PARP10: variants seen among roughly 807,000 people sequenced by gnomAD.
PARP10 encodes poly(ADP-ribose) polymerase family member 10, also known as protein mono-ADP-ribosyltransferase PARP10.
Under a neutral mutation model 82.4 loss-of-function variants are expected in PARP10, and 56 were observed. The ratio of observed to expected loss-of-function variants is 0.68; its 90% CI spans 0.55 to 0.85. The LOEUF (loss-of-function observed/expected upper bound fraction) is 0.85. Among genes scored for constraint, PARP10 ranks in the 40% least tolerant of loss-of-function variants. The pLI is 0.00. For synonymous variants in PARP10, 576 were observed against 601.1 expected, an observed-to-expected ratio of 0.96 and a Z score of 0.61; for missense variants, 1,227 against 1,379.4, an observed-to-expected ratio of 0.89 and a Z score of 1.75.
At chr8:143,981,340 GTGAAGGTGATGGTGATGA>G in intron 9 of PARP10, among the ~76,000 whole-genome samples, 1 of 116,714 alleles carries the variant, frequency 8.6e-6, no homozygotes, top group Admixed American at 8.6e-5. Flanking sequence ...ACAGTGAGTG[GTGAAGGTGATGGTGATGA>G]TGGTGGTGAC....
At chr8:143,993,003 T>C, upstream of PARP10, 1 of 631,416 alleles carries the variant, frequency 1.6e-6, no homozygotes, top group Non-Finnish European at 2.7e-6. Flanking sequence ...CTGCAGATAC[T>C]TCCATTTGGA....
upstream of PARP10, among the ~76,000 whole-genome samples, chr8:143,994,705 A>G (rs1834149936): frequency 6.6e-6 from 1 of 152,134 alleles, no homozygotes; most frequent in Non-Finnish European, 1.5e-5. Context: ...CACCTCCTGG[A>G]GTCCACCTTG....
chr8:143,977,707 T>A lies in PARP10; in HGVS notation c.2855A>T (p.Asp952Val). 1 of 1,594,312 alleles carries A rather than the reference T, an allele frequency of 6.3e-7. No homozygotes were observed. The highest frequency in any genetic ancestry group is 2.3e-5 in the East Asian group (1 of 43,424). ...AVFVARVLTGDYGQGRRGLRA... is the reference protein window; with the variant it reads ...AVFVARVLTGVYGQGRRGLRA... ...CAGACCGCGGCGGCCCTGCCCGTAG[T>A]CGCCAGTCAGCACCCGTGCCACGAA... is the stretch of plus-strand genomic sequence containing the variant. Residue 952 changes from aspartate to valine, a missense_variant, in exon 11 of 11, where the codon GAC becomes GTC. Transcript: ENST00000313028.
intron 1 of PARP10, among the ~76,000 whole-genome samples, chr8:143,997,041 G>C (rs1834169449): frequency 6.6e-6 from 1 of 152,188 alleles, no homozygotes; most frequent in South Asian, 2.1e-4. Flanking sequence ...AGGCTCTCAA[G>C]GTGGCCCCTC....
chr8:143,998,314 G>C (rs966753998), intron 1 of PARP10, among the ~76,000 whole-genome samples: 3 of 152,166 alleles, frequency 2.0e-5, no homozygotes, highest in Non-Finnish European at 4.4e-5. Flanking sequence ...TGGACCAGGG[G>C]CAGATGTGAA....
upstream of PARP10, chr8:143,987,266 G>A (rs1834007476): frequency 1.3e-5 from 2 of 152,338 alleles, no homozygotes; most frequent in African/African-American, 4.8e-5. Context: ...TTTGCTTCCA[G>A]CCTTTCAAAG....
rs1391827321 is a variant in PARP10, at chr8:143,977,645, G to A, written c.2917C>T (p.Leu973=). The A allele has an allele frequency of 3.1e-6, 5 of 1,593,674 alleles. No homozygotes were observed. The highest frequency in any genetic ancestry group is 1.3e-5 in the African/African-American group (1 of 74,440). ...PPLRGPGHVL[L]RYDSAVDCIC... ...CAGTCCACGGCGCTGTCGTAGCGCA[G>A]GAGCACGTGGCCAGGACCCCGCAGA... Residue 973 remains leucine (L), a synonymous_variant, in exon 11 of 11, where the codon CTG becomes TTG. Coordinates refer to ENST00000313028, the MANE Select transcript of PARP10 (RefSeq NM_032789.5).
chr8:143,987,810 G>C (rs1834017948), upstream of PARP10, among the ~76,000 whole-genome samples: 1 of 152,124 alleles, frequency 6.6e-6, no homozygotes. Flanking sequence ...AGAATAGCTT[G>C]AACCTGGGAG....
chr8:143,987,359 C>G (rs1019940590), upstream of PARP10, among the ~76,000 whole-genome samples: 3 of 152,214 alleles, frequency 2.0e-5, no homozygotes, highest in Non-Finnish European at 2.9e-5. Context: ...CCTGCTGTTC[C>G]TCCCTCCAGG....
At chr8:143,978,282 G>A (rs1412241276) in intron 9 of PARP10, among the ~76,000 whole-genome samples, 6 of 152,174 alleles carry the variant, frequency 3.9e-5, no homozygotes, top group Non-Finnish European at 8.8e-5. Flanking sequence ...GGCCGCTGGG[G>A]AGGCCTGACC....
chr8:144,010,929 T>A (rs1299486296), intron 1 of PARP10, among the ~76,000 whole-genome samples: 4 of 151,794 alleles, frequency 2.6e-5, no homozygotes, highest in Non-Finnish European at 4.4e-5. Context: ...ATTAAAAAAA[T>A]AAATTTTTAA....
exon 1 of PARP10, chr8:144,012,656 G>A (rs1554752623): frequency 1.9e-6 from 3 of 1,551,738 alleles, no homozygotes; most frequent in East Asian, 2.4e-5. Flanking sequence ...AGGCAGGCGG[G>A]CTCGGCATCA....
Position 143,977,848 on chromosome 8 carries a change from GC to G in PARP10, c.2732-19del. ...GACCGTGGCTGCAGGGCGAGACGGGGCAAGGTCAGGGTGGTCGGGGTGCGCA... is the reference window on the plus strand; with the variant it reads ...GACCGTGGCTGCAGGGCGAGACGGGGAAGGTCAGGGTGGTCGGGGTGCGCA... On this transcript the variant is annotated intron_variant, in intron 10 of 10. Coordinates refer to ENST00000313028, the MANE Select transcript of PARP10 (RefSeq NM_032789.5). 2 of 1,597,570 alleles carry G rather than the reference GC, an allele frequency of 1.3e-6. No homozygotes were observed. Among genetic ancestry groups the G allele is most frequent in the Non-Finnish European group, 1.7e-6 (2 of 1,173,352 alleles).
At chr8:143,991,745 C>G (rs1834101426), upstream of PARP10, 1 of 1,613,860 alleles carries the variant, frequency 6.2e-7, no homozygotes. Flanking sequence ...CTATGACAAC[C>G]AGGACTTCCC....
chr8:143,983,368 GC>G lies in PARP10; in HGVS notation c.2220del (p.Trp742GlyfsTer19). 6.2e-7 allele frequency: 1 copy of G among 1,606,462 alleles called. No individual in the cohort carries two copies. ...TCTGCAGGCAGTGTGCGGCGCCAGGGCCCCACCGTCTCCTCCTGGACGTGGA... is the reference window on the plus strand; with the variant it reads ...TCTGCAGGCAGTGTGCGGCGCCAGGGCCCACCGTCTCCTCCTGGACGTGGA... ...LEVHVQEETVGPWRRTLPAEL... is the reference protein window; with the variant it reads ...LEVHVQEETVXPWRRTLPAEL... On this transcript the variant is annotated frameshift_variant, in exon 8 of 11. Transcript: ENST00000313028. LOFTEE classifies it high-confidence loss of function.
chr8:143,998,253 C>T (rs782340157), intron 1 of PARP10, among the ~76,000 whole-genome samples: 9 of 152,092 alleles, frequency 5.9e-5, no homozygotes, highest in Non-Finnish European at 1.0e-4. Flanking sequence ...ACCCACCCAG[C>T]GAAGGATCAC....
intron 9 of PARP10, among the ~76,000 whole-genome samples, 195 bp from the exon 10 acceptor site, chr8:143,978,276 G>A (rs1306494454): frequency 6.6e-6 from 1 of 152,146 alleles, no homozygotes; most frequent in Non-Finnish European, 1.5e-5. Flanking sequence ...TCAGAGGGCC[G>A]CTGGGGAGGC....
chr8:143,984,598 G>GC lies in PARP10; in HGVS notation c.1403dup (p.Leu469ProfsTer10). On this transcript the variant is annotated frameshift_variant, in exon 5 of 11. Coordinates refer to ENST00000313028, the MANE Select transcript of PARP10 (RefSeq NM_032789.5). LOFTEE classifies it high-confidence loss of function. ...GTGGCAAGAGAGCGACGTCTCCCAG[G>GC]CCCGCAAGAAGGTCCTCATGGTAGA... The GC allele has an allele frequency of 3.7e-6, 6 of 1,613,834 alleles. No individual in the cohort carries two copies. Among genetic ancestry groups the GC allele is most frequent in the Non-Finnish European group, 5.1e-6 (6 of 1,179,878 alleles).
At chr8:144,004,557 C>T (rs1210190730) in intron 1 of PARP10, among the ~76,000 whole-genome samples, 4 of 152,188 alleles carry the variant, frequency 2.6e-5, no homozygotes, top group Non-Finnish European at 4.4e-5. Flanking sequence ...GAAGACTGGG[C>T]TAGATTTAAA....
Sources: gnomAD v4.1 joint callset for allele counts (sites outside exome capture counted in the v4.1 genomes callset) on GRCh38, gnomAD v4.1.1 for gene constraint, MANE v1.5 for transcripts, NCBI Gene and HGNC (gene_info 2026-07-23, HGNC 2026-07-21) for gene names.